The following TRERF1 variants were observed in gnomAD, a reference collection of about 807,000 sequenced individuals.
The protein encoded by TRERF1 is transcriptional regulating factor 1, also known as transcriptional-regulating factor 1.
Under a neutral mutation model 122.9 loss-of-function variants are expected in TRERF1, and 27 were observed. That is an observed-to-expected ratio of 0.22 (90% confidence interval 0.16 to 0.30). The LOEUF (loss-of-function observed/expected upper bound fraction) is 0.30. Ranked by LOEUF, TRERF1 falls within the 10% of genes least tolerant of loss-of-function variation. TRERF1 has a pLI of 1.00. For synonymous variants in TRERF1, 636 were observed against 641.7 expected (o/e 0.99, Z 0.13); for missense variants, 1,248 against 1,560.3 (o/e 0.80, Z 3.37).
chr6:42,435,488 C>T (rs1785174835), intron 2 of TRERF1, among the ~76,000 whole-genome samples: 1 of 150,708 alleles, frequency 6.6e-6, no homozygotes. Context: ...GAGGTCAAAG[C>T]TATAGTGAGC....
chr6:42,375,623 G>A (rs1045873517), intron 2 of TRERF1, among the ~76,000 whole-genome samples: 8 of 152,188 alleles, frequency 5.3e-5, no homozygotes, highest in African/African-American at 1.9e-4. Context: ...TCAGGGTCCA[G>A]GGACCACGAA....
At chr6:42,299,110 G>GTCTC (rs1785606247) in intron 4 of TRERF1, among the ~76,000 whole-genome samples, 2 of 113,688 alleles carry the variant, frequency 1.8e-5, no homozygotes, top group African/African-American at 8.2e-5. Flanking sequence ...CTGTCTGTCT[G>GTCTC]TCTGTCTCTA....
intron 2 of TRERF1, among the ~76,000 whole-genome samples, chr6:42,427,574 G>A (rs1341948264): frequency 2.6e-4 from 37 of 141,624 alleles, no homozygotes; most frequent in Non-Finnish European, 4.7e-4. Context: ...TTTTTGAGAC[G>A]AGGTCTCATT....
Position 42,228,960 on chromosome 6 carries a change from T to C in TRERF1, c.3279-291A>G, listed in dbSNP as rs980022657. ...CACCTGGAGTCTGGAGCACAGGCTC[T>C]TTCTCCTCTTTCAGCCTCCCCCTTC... On this transcript the variant is annotated intron_variant, in intron 17 of 17. Transcript: ENST00000372922. This position sits in a 1 kb window ranked among gnomAD's most constrained non-coding sequence, Gnocchi z 4.2. Among the ~76,000 whole-genome samples the C allele has an allele frequency of 6.6e-6, 1 of 152,206 alleles. No individual in the cohort carries two copies. The highest frequency in any genetic ancestry group is 2.4e-5 in the African/African-American group (1 of 41,456).
Position 42,232,684 on chromosome 6 carries a change from C to T in TRERF1, c.3275G>A (p.Gly1092Asp). Residue 1092 changes from glycine (G) to aspartate (D), a missense_variant, in exon 17 of 18, where the codon GGC (glycine) becomes GAC (aspartate). Transcript: ENST00000372922. The surrounding 1 kb of genome is among the most constrained non-coding windows in gnomAD (Gnocchi z 4.5). ...GTCCCCGGTCCCCTGCACCTACTTG[C>T]CACACTCCTTGCAGGGGAAGATGGT... is the stretch of plus-strand genomic sequence containing the variant. 1 of 1,594,016 alleles carries T rather than the reference C, an allele frequency of 6.3e-7. No individual in the cohort carries two copies. Among genetic ancestry groups the T allele is most frequent in the African/African-American group, 1.3e-5 (1 of 74,738 alleles).
chr6:42,268,080 G>C lies in TRERF1; in HGVS notation c.1437+74C>G. Reference sequence around the variant, plus strand: ...AAGGGTTGAGGGGGCTTGGAGAGAGGATTGAGCACTGCAGACTCAGCCCTG... The same window carrying C: ...AAGGGTTGAGGGGGCTTGGAGAGAGCATTGAGCACTGCAGACTCAGCCCTG... On this transcript the variant is annotated intron_variant, in intron 5 of 17. Coordinates refer to ENST00000372922, the Ensembl canonical transcript of TRERF1. This position sits in a 1 kb window ranked among gnomAD's most constrained non-coding sequence, Gnocchi z 4.4. The C allele has an allele frequency of 7.3e-7, 1 of 1,366,162 alleles. No homozygotes were observed. The allele number at this position is 1,366,162 out of a possible 1,614,324, so 84.6% of individuals were successfully genotyped here. A position where few individuals can be genotyped will look rare whatever the true frequency, so the allele number is the denominator to read the frequency against.
At chr6:42,310,270 T>G (rs764039911) in intron 3 of TRERF1, among the ~76,000 whole-genome samples, 5 of 152,136 alleles carry the variant, frequency 3.3e-5, no homozygotes, top group Non-Finnish European at 5.9e-5. Context: ...CGCCCCGGCC[T>G]ACACATTTTA....
At chr6:42,425,221 G>T (rs1181350347) in intron 2 of TRERF1, among the ~76,000 whole-genome samples, 1 of 152,188 alleles carries the variant, frequency 6.6e-6, no homozygotes, top group African/African-American at 2.4e-5. Context: ...AACTGCTCTT[G>T]TGAATTGCAA....
chr6:42,320,608 A>G (rs1458350665), intron 3 of TRERF1, among the ~76,000 whole-genome samples: 1 of 149,192 alleles, frequency 6.7e-6, no homozygotes, highest in Non-Finnish European at 1.5e-5. Flanking sequence ...TCCCAGGTTC[A>G]AGCAATTCTC....
chr6:42,320,054 A>T (rs1169026421), intron 3 of TRERF1, among the ~76,000 whole-genome samples: 1 of 151,860 alleles, frequency 6.6e-6, no homozygotes, highest in Non-Finnish European at 1.5e-5. Flanking sequence ...GACACCCATC[A>T]CTATGCCCAG....
At chr6:42,439,217 C>T (rs556327629) in intron 2 of TRERF1, among the ~76,000 whole-genome samples, 1 of 152,314 alleles carries the variant, frequency 6.6e-6, no homozygotes, top group South Asian at 2.1e-4. Flanking sequence ...TTCCCCAACA[C>T]ATGCTTCCTA....
At chr6:42,325,494 T>C (rs948978397) in intron 3 of TRERF1, among the ~76,000 whole-genome samples, 1 of 152,154 alleles carries the variant, frequency 6.6e-6, no homozygotes, top group African/African-American at 2.4e-5. Context: ...AGCAAAGACA[T>C]GGAATCAACT....
At chr6:42,336,605 TC>T (rs936404339) in intron 3 of TRERF1, among the ~76,000 whole-genome samples, 1 of 152,148 alleles carries the variant, frequency 6.6e-6, no homozygotes, top group African/African-American at 2.4e-5. Context: ...CATCCCTCTT[TC>T]CCCACTCTAA....
intron 3 of TRERF1, among the ~76,000 whole-genome samples, chr6:42,301,512 G>A (rs1052314043): frequency 6.6e-6 from 1 of 152,186 alleles, no homozygotes; most frequent in African/African-American, 2.4e-5. Context: ...ACAGGCGTGG[G>A]CCACCGTGCC....
chr6:42,405,620 C>T (rs1371473993), intron 2 of TRERF1, among the ~76,000 whole-genome samples: 5 of 151,810 alleles, frequency 3.3e-5, no homozygotes, highest in Non-Finnish European at 5.9e-5. Context: ...CATGATGAAA[C>T]CTTGTCTCTC....
At chr6:42,436,927 C>T (rs1256745504) in intron 2 of TRERF1, among the ~76,000 whole-genome samples, 4 of 149,504 alleles carry the variant, frequency 2.7e-5, no homozygotes, top group Non-Finnish European at 5.9e-5. Context: ...ATGTCTGCTC[C>T]AGGCCTTAGA....
intron 12 of TRERF1, 54 bp downstream of exon 12, chr6:42,256,674 C>A: frequency 6.5e-7 from 1 of 1,533,192 alleles, no homozygotes; most frequent in Non-Finnish European, 9.0e-7. Context: ...AATATTGAAA[C>A]TTGGGAAAAT....
intron 3 of TRERF1, among the ~76,000 whole-genome samples, chr6:42,325,087 G>A (rs981450674): frequency 1.2e-4 from 19 of 152,108 alleles, no homozygotes; most frequent in Admixed American, 4.6e-4. Context: ...CTAAAAAGTG[G>A]GCAAAGGCCA....
intron 2 of TRERF1, among the ~76,000 whole-genome samples, chr6:42,419,338 AC>A (rs1782415054): frequency 7.1e-6 from 1 of 140,490 alleles, no homozygotes; most frequent in Non-Finnish European, 1.5e-5. Flanking sequence ...GTTCAGATCA[AC>A]CCCCCTCACA....
Sources: gnomAD v4.1 joint callset for allele counts (sites outside exome capture counted in the v4.1 genomes callset) on GRCh38, gnomAD v4.1.1 for gene constraint, Gnocchi (gnomAD v3.1) non-coding constraint, MANE v1.5 for transcripts, NCBI Gene and HGNC (gene_info 2026-07-23, HGNC 2026-07-21) for gene names.